Variants in BMPR2 observed in about 807,000 individuals in gnomAD.
BMPR2 encodes the protein bone morphogenetic protein receptor type 2, also known as bone morphogenetic protein receptor type-2.
A neutral mutation model predicts 100.8 loss-of-function variants in BMPR2; 29 were observed. The ratio of observed to expected loss-of-function variants is 0.29; its 90% CI spans 0.21 to 0.39. The LOEUF is 0.39. Ranked by LOEUF, BMPR2 falls within the 10% of genes least tolerant of loss-of-function variation. The probability of loss-of-function intolerance (pLI) is 1.00; values close to 1 mark genes in which losing one functional copy is unlikely to be tolerated. For missense variants in BMPR2, 1,011 were observed against 1,274.5 expected, an observed-to-expected ratio of 0.79 and a Z score of 3.15; for synonymous variants, 382 against 442.3, an observed-to-expected ratio of 0.86 and a Z score of 1.71.
At chr2:202,386,625 C>T (rs140341922) in intron 1 of BMPR2, among the ~76,000 whole-genome samples, 82 of 152,152 alleles carry the variant, frequency 5.4e-4, no homozygotes, top group African/African-American at 1.7e-3. Flanking sequence ...CCTCTGTTAA[C>T]GTCTTTGCTT....
intron 1 of BMPR2, among the ~76,000 whole-genome samples, chr2:202,433,776 C>T (rs1488358136): frequency 2.0e-5 from 3 of 150,260 alleles, no homozygotes; most frequent in Non-Finnish European, 2.9e-5. Context: ...GGTGTGGTGG[C>T]GTGCGCCTGT....
At chr2:202,424,792 A>G (rs190650958) in intron 1 of BMPR2, among the ~76,000 whole-genome samples, 7 of 152,328 alleles carry the variant, frequency 4.6e-5, no homozygotes, top group Admixed American at 2.6e-4. Flanking sequence ...CACTTGCTCT[A>G]TAAAGGCATC....
intron 8 of BMPR2, among the ~76,000 whole-genome samples, chr2:202,531,183 A>G (rs142959568): frequency 0.011 from 1,739 of 152,212 alleles, 59 homozygotes; most frequent in East Asian, 0.11. Flanking sequence ...CGCACCTGTA[A>G]TCCCAGCTAC....
intron 3 of BMPR2, among the ~76,000 whole-genome samples, chr2:202,478,962 A>G (rs1472822766): frequency 1.3e-5 from 2 of 152,138 alleles, no homozygotes; most frequent in African/African-American, 2.4e-5. Context: ...GAAAAAAATC[A>G]AAAGTGTATA....
intron 3 of BMPR2, among the ~76,000 whole-genome samples, chr2:202,481,065 A>G (rs1692650993): frequency 6.6e-6 from 1 of 150,942 alleles, no homozygotes; most frequent in Non-Finnish European, 1.5e-5. Context: ...ATTGATCCTT[A>G]TGCCAGGACC....
intron 1 of BMPR2, among the ~76,000 whole-genome samples, chr2:202,447,151 C>CA (rs1465430890): frequency 6.7e-6 from 1 of 148,878 alleles, no homozygotes; most frequent in Admixed American, 6.6e-5. Context: ...ATTAAAAATA[C>CA]AAAAAAATTA....
chr2:202,382,556 A>G (rs1012136098), intron 1 of BMPR2, among the ~76,000 whole-genome samples: 1 of 152,206 alleles, frequency 6.6e-6, no homozygotes, highest in Non-Finnish European at 1.5e-5. Flanking sequence ...GACAGTATTC[A>G]TGTCTGATTA....
rs1381290085 is a variant in BMPR2 at position 202,376,651 on chromosome 2, G to A, written c.-824G>A. 6.8e-6 allele frequency among the ~76,000 whole-genome samples: 1 copy of A among 147,870 alleles called. No individual in the cohort carries two copies. Among genetic ancestry groups the A allele is most frequent in the Non-Finnish European group, 1.5e-5 (1 of 67,080 alleles). ...AATTTACCTCAGGCAAGATCGAGCCGCAGGAATAAAAAGCGAGGAAGGGAA... is the reference window on the plus strand; with the variant it reads ...AATTTACCTCAGGCAAGATCGAGCCACAGGAATAAAAAGCGAGGAAGGGAA... On this transcript the variant is annotated 5_prime_UTR_variant, in exon 1 of 13. Coordinates refer to ENST00000374580, the MANE Select transcript of BMPR2 (RefSeq NM_001204.7).
chr2:202,490,319 TACACAC>T (rs147025489), intron 3 of BMPR2, among the ~76,000 whole-genome samples: 7 of 150,322 alleles, frequency 4.7e-5, no homozygotes, highest in African/African-American at 1.7e-4. Context: ...AAAAGGTATG[TACACAC>T]ACACACACAC....
chr2:202,400,738 T>TAC (rs1690755054), intron 1 of BMPR2, among the ~76,000 whole-genome samples: 1 of 152,222 alleles, frequency 6.6e-6, no homozygotes, highest in East Asian at 1.9e-4. Flanking sequence ...ATTATCTGAT[T>TAC]AGTGCATAGT....
intron 1 of BMPR2, among the ~76,000 whole-genome samples, chr2:202,399,755 C>T (rs949603282): frequency 1.3e-5 from 2 of 152,150 alleles, no homozygotes; most frequent in African/African-American, 4.8e-5. Flanking sequence ...ATTTTGGTAT[C>T]ATTGCAAGCC....
intron 3 of BMPR2, among the ~76,000 whole-genome samples, chr2:202,509,397 T>C (rs1306999827): frequency 6.6e-6 from 1 of 151,946 alleles, no homozygotes. Flanking sequence ...ATTTATCCAA[T>C]TTCCAGAAAT....
chr2:202,513,775 T>G lies in BMPR2; in HGVS notation c.475T>G (p.Ser159Ala). The G allele has an allele frequency of 1.2e-6, 2 of 1,613,438 alleles. No individual in the cohort carries two copies. The highest frequency in any genetic ancestry group is 1.7e-6 in the Non-Finnish European group (2 of 1,179,614). The change falls in exon 4 of 13, where the codon TCT becomes GCT. Residue 159 changes from serine (S) to alanine (A), a missense_variant. This residue lies in a region of BMPR2 where 355 missense variants were observed against 455.3 expected (regional missense o/e 0.78). Transcript: ENST00000374580. ...ETIIIALASV[S>A]VLAVLIVALC... Reference sequence around the variant, plus strand: ...AATAATCATTGCTTTGGCATCAGTCTCTGTATTAGCTGTTTTGATAGTTGC... The same window carrying G: ...AATAATCATTGCTTTGGCATCAGTCGCTGTATTAGCTGTTTTGATAGTTGC...
chr2:202,467,976 G>T (rs555608283), intron 3 of BMPR2, among the ~76,000 whole-genome samples: 19 of 152,028 alleles, frequency 1.2e-4, no homozygotes, highest in Admixed American at 1.2e-3. Context: ...GAACCCGGGA[G>T]GCAGAGGTTG....
chr2:202,481,934 TCTTCAC>T (rs1350882255), intron 3 of BMPR2, among the ~76,000 whole-genome samples: 2 of 152,326 alleles, frequency 1.3e-5, no homozygotes, highest in Admixed American at 6.5e-5. Context: ...TCTCCAGAAC[TCTTCAC>T]CTTCAAGTAC....
intron 9 of BMPR2, 109 bp from the exon 10 acceptor site, chr2:202,542,202 A>T (rs940513782): frequency 3.8e-6 from 5 of 1,304,618 alleles, no homozygotes; most frequent in Non-Finnish European, 5.4e-6. Context: ...AAATAAAAAG[A>T]TTGTGACACA....
Position 202,563,521 on chromosome 2 carries a change from G to A in BMPR2, c.*3575G>A, listed in dbSNP as rs1203558625. 1 of 152,122 alleles carries A rather than the reference G, an allele frequency of 6.6e-6. No homozygotes were observed. The allele number at this position is 152,122 out of a possible 1,614,324, so 9.4% of individuals were successfully genotyped here. On this transcript the variant is annotated 3_prime_UTR_variant, in exon 13 of 13. Coordinates refer to ENST00000374580, the MANE Select transcript of BMPR2 (RefSeq NM_001204.7). ...CAAACCACATACCTTAATGATTTGG[G>A]AAGTTAGGCAAATATGAGATATGTA...
chr2:202,467,476 T>G, intron 2 of BMPR2, 43 bp from the exon 3 acceptor site: 1 of 1,501,094 alleles, frequency 6.7e-7, no homozygotes, highest in South Asian at 1.1e-5. Flanking sequence ...CTTAGTTTTC[T>G]TTATCATATT....
intron 1 of BMPR2, among the ~76,000 whole-genome samples, chr2:202,401,598 G>A (rs1256049774): frequency 3.9e-5 from 6 of 152,164 alleles, no homozygotes; most frequent in Non-Finnish European, 7.3e-5. Context: ...CTTGGTATAA[G>A]TCAATGAGAT....
Sources: allele counts gnomAD v4.1 joint callset (sites outside exome capture counted in the v4.1 genomes callset), GRCh38; gene constraint gnomAD v4.1.1; regional missense constraint gnomAD v4.1.1; transcripts MANE v1.5; gene names NCBI Gene and HGNC (gene_info 2026-07-23, HGNC 2026-07-21).